The following TRABD2A variants were observed in gnomAD, a reference collection of about 807,000 sequenced individuals.
TRABD2A encodes the protein TraB domain containing 2A, also known as metalloprotease TIKI1.
In TRABD2A, 43 loss-of-function variants were observed where a neutral mutation model predicts 45.6. The observed-to-expected ratio is 0.94, with a 90% CI of 0.74 to 1.22. TRABD2A has a LOEUF of 1.22. Ranked by LOEUF, TRABD2A falls within the 50% of genes most tolerant of loss-of-function variation. TRABD2A has a pLI of 0.00. For synonymous variants in TRABD2A, 269 were observed against 265.0 expected, an observed-to-expected ratio of 1.02 and a Z score of -0.15; for missense variants, 642 against 652.4, an observed-to-expected ratio of 0.98 and a Z score of 0.17.
chr2:84,842,537 C>A (rs1681746401), intron 2 of TRABD2A, among the ~76,000 whole-genome samples: 1 of 152,074 alleles, frequency 6.6e-6, no homozygotes, highest in South Asian at 2.1e-4. Context: ...AAACACCAGC[C>A]TGGCCAACAT....
chr2:84,876,127 G>A (rs990624543), intron 1 of TRABD2A, among the ~76,000 whole-genome samples: 1 of 152,170 alleles, frequency 6.6e-6, no homozygotes, highest in African/African-American at 2.4e-5. Flanking sequence ...TTTTGGATCT[G>A]TCCAATTGAC....
intron 2 of TRABD2A, among the ~76,000 whole-genome samples, chr2:84,865,578 G>T (rs1682649164): frequency 6.6e-6 from 1 of 152,206 alleles, no homozygotes; most frequent in Non-Finnish European, 1.5e-5. Flanking sequence ...ACAAGAAAGA[G>T]CCCAAGCCAA....
chr2:84,823,857 A>AG (rs1315626919), intron 6 of TRABD2A, 96 bp downstream of exon 6: 128 of 1,514,494 alleles, frequency 8.5e-5, no homozygotes, highest in Non-Finnish European at 6.6e-5. Flanking sequence ...TTGCTCCATG[A>AG]GGGGGGCTCC....
At chr2:84,825,393 G>A (rs938539286) in intron 5 of TRABD2A, among the ~76,000 whole-genome samples, 2 of 152,066 alleles carry the variant, frequency 1.3e-5, no homozygotes, top group African/African-American at 4.8e-5. Context: ...GACTTATATT[G>A]GGCAAAAAAG....
chr2:84,865,196 C>A (rs1368331748), intron 2 of TRABD2A, among the ~76,000 whole-genome samples: 1 of 151,958 alleles, frequency 6.6e-6, no homozygotes, highest in Non-Finnish European at 1.5e-5. Flanking sequence ...GTCCACTGAG[C>A]CCAAACCACT....
intron 5 of TRABD2A, among the ~76,000 whole-genome samples, chr2:84,829,617 A>ACAT (rs36169293): frequency 1.3e-5 from 2 of 148,960 alleles, no homozygotes; most frequent in African/African-American, 2.5e-5. Context: ...CACACACCAC[A>ACAT]ACACAACGCA....
chr2:84,829,451 C>T (rs1681251986), intron 5 of TRABD2A, among the ~76,000 whole-genome samples: 1 of 149,816 alleles, frequency 6.7e-6, no homozygotes, highest in Non-Finnish European at 1.5e-5. Context: ...ACACACGTAC[C>T]ACACACACCA....
At chr2:84,848,996 C>T (rs1467483333) in intron 2 of TRABD2A, among the ~76,000 whole-genome samples, 1 of 152,100 alleles carries the variant, frequency 6.6e-6, no homozygotes, top group Non-Finnish European at 1.5e-5. Context: ...CATAGGATAA[C>T]ATCAATGACT....
chr2:84,852,936 A>G (rs375537291), intron 2 of TRABD2A, among the ~76,000 whole-genome samples: 9 of 152,240 alleles, frequency 5.9e-5, no homozygotes, highest in African/African-American at 1.9e-4. Context: ...TCTGAAAATC[A>G]TCTCCTTAAC....
At chr2:84,846,591 C>T (rs892945902) in intron 2 of TRABD2A, among the ~76,000 whole-genome samples, 4 of 152,174 alleles carry the variant, frequency 2.6e-5, no homozygotes, top group African/African-American at 7.2e-5. Flanking sequence ...TCCAAAGAGA[C>T]GCAGTCAATG....
chr2:84,839,248 G>A lies in TRABD2A; in HGVS notation c.892C>T (p.Arg298Trp), dbSNP rs200113032. 4.9e-5 allele frequency: 79 copies of A among 1,613,730 alleles called. No individual in the cohort carries two copies. The highest frequency in any genetic ancestry group is 2.2e-5 in the South Asian group (2 of 91,072). The change falls in exon 4 of 7, where the codon CGG (arginine) becomes TGG (tryptophan). Residue 298 changes from arginine to tryptophan, a missense_variant. Transcript: ENST00000409520. ...TAQEIDSYLRRELIYKRNERI... is the reference protein window; with the variant it reads ...TAQEIDSYLRWELIYKRNERI... ...TCATTCCGCTTGTAGATCAGCTCCCGGCGTAAGTAGCTGTCAATCTCCTGA... is the reference window on the plus strand; with the variant it reads ...TCATTCCGCTTGTAGATCAGCTCCCAGCGTAAGTAGCTGTCAATCTCCTGA...
At chr2:84,877,929 C>T (rs1683079851) in intron 1 of TRABD2A, among the ~76,000 whole-genome samples, 1 of 152,198 alleles carries the variant, frequency 6.6e-6, no homozygotes, top group East Asian at 1.9e-4. Flanking sequence ...TGGCAAGGCA[C>T]TCTTCTGGAT....
chr2:84,850,033 T>C (rs1381437674), intron 2 of TRABD2A, among the ~76,000 whole-genome samples: 2 of 152,216 alleles, frequency 1.3e-5, no homozygotes, highest in African/African-American at 4.8e-5. Context: ...CAAGTCCAGT[T>C]GGTGGAATGT....
intron 2 of TRABD2A, among the ~76,000 whole-genome samples, chr2:84,863,475 G>A (rs868483641): frequency 1.3e-4 from 19 of 150,424 alleles, no homozygotes; most frequent in South Asian, 8.5e-4. Flanking sequence ...CTCGTGATCC[G>A]CCCGCCTCGG....
intron 2 of TRABD2A, among the ~76,000 whole-genome samples, chr2:84,867,770 G>A (rs1682729488): frequency 6.6e-6 from 1 of 152,178 alleles, no homozygotes; most frequent in South Asian, 2.1e-4. Context: ...CACAAAGTGG[G>A]CAAAGGATAT....
chr2:84,874,714 C>T, intron 1 of TRABD2A: 1 of 217,322 alleles, frequency 4.6e-6, no homozygotes, highest in South Asian at 8.2e-5. Flanking sequence ...AGCCCCCCTG[C>T]GTCTGTCTCC....
intron 5 of TRABD2A, among the ~76,000 whole-genome samples, chr2:84,831,490 AG>A (rs1681336726): frequency 6.6e-6 from 1 of 151,594 alleles, no homozygotes; most frequent in African/African-American, 2.4e-5. Context: ...GGGCCTCCTG[AG>A]TTCTTTACAG....
rs755189333 is a variant in TRABD2A at position 84,823,978 on chromosome 2, C to G, written c.1309G>C (p.Asp437His). The G allele has an allele frequency of 1.2e-6, 2 of 1,613,952 alleles. No individual in the cohort carries two copies. Among genetic ancestry groups the G allele is most frequent in the Non-Finnish European group, 1.7e-6 (2 of 1,179,902 alleles). The change falls in exon 6 of 7, where the codon GAT becomes CAT. Residue 437 changes from aspartate to histidine, a missense_variant. Transcript: ENST00000409520. ...QRRPRLRQFSDLWVRLEESDI... is the reference protein window; with the variant it reads ...QRRPRLRQFSHLWVRLEESDI... ...CTCTCCTCCAGGCGGACCCACAGAT[C>G]GCTGAATTGCCGGAGTCGCGGCCTC...
At chr2:84,862,904 G>A (rs1682546021) in intron 2 of TRABD2A, among the ~76,000 whole-genome samples, 1 of 149,148 alleles carries the variant, frequency 6.7e-6, no homozygotes, top group African/African-American at 2.6e-5. Context: ...TTTCTGCTCT[G>A]CTCAAAAAAA....
Sources: gnomAD v4.1 joint callset for allele counts (sites outside exome capture counted in the v4.1 genomes callset) on GRCh38, gnomAD v4.1.1 for gene constraint, MANE v1.5 for transcripts, NCBI Gene and HGNC (gene_info 2026-07-23, HGNC 2026-07-21) for gene names.